GRID2: variants seen among roughly 807,000 people sequenced by gnomAD.
GRID2 encodes glutamate ionotropic receptor delta type subunit 2, also known as glutamate receptor ionotropic, delta-2.
GRID2 carries 33 observed loss-of-function variants against 114.8 expected under a neutral mutation model. The observed-to-expected ratio is 0.29, with a 90% CI of 0.22 to 0.38. GRID2 has a LOEUF of 0.38. Ranked by LOEUF, GRID2 falls within the 10% of genes least tolerant of loss-of-function variation. GRID2 has a pLI of 1.00. For synonymous variants in GRID2, 505 were observed against 449.9 expected (o/e 1.12, Z -1.55); for missense variants, 1,184 against 1,257.7 (o/e 0.94, Z 0.89).
At chr4:92,965,450 TAAAAAAAAAAAAAAAAAAAAAA>T (rs869285420) in intron 2 of GRID2, among the ~76,000 whole-genome samples, 44,199 of 86,342 alleles carry the variant, frequency 0.51, 8,610 homozygotes, top group Admixed American at 0.64. Context: ...ATTCAATTTG[TAAAAAAAAAAAAAAAAAAAAAA>T]AAAAAAAAAA....
At chr4:92,526,443 A>T (rs1336766134) in intron 1 of GRID2, among the ~76,000 whole-genome samples, 1 of 152,086 alleles carries the variant, frequency 6.6e-6, no homozygotes, top group Non-Finnish European at 1.5e-5. Flanking sequence ...TCCCAGGTTC[A>T]AGGGATTCAC....
Position 92,366,035 on chromosome 4 carries a change from A to G in GRID2, c.88+61291A>G, listed in dbSNP as rs571599039. 4.6e-5 allele frequency among the ~76,000 whole-genome samples: 7 copies of G among 152,236 alleles called. No individual in the cohort carries two copies. In the South Asian group the frequency reaches 1.4e-3, roughly 31 times the overall value. On this transcript the variant is annotated intron_variant, in intron 1 of 15. Transcript: ENST00000282020. ...TTCATAACAAATGTTGGCTACTGTT[A>G]TGTATTATTACTATGTACTTCCCTT...
intron 8 of GRID2, among the ~76,000 whole-genome samples, chr4:93,283,969 T>C (rs1319605915): frequency 6.6e-6 from 1 of 152,126 alleles, no homozygotes; most frequent in Non-Finnish European, 1.5e-5. Flanking sequence ...TTACACTATG[T>C]AGTTCCAAGT....
At chr4:93,443,562 C>T (rs1033841846) in intron 10 of GRID2, among the ~76,000 whole-genome samples, 3 of 151,932 alleles carry the variant, frequency 2.0e-5, no homozygotes, top group Non-Finnish European at 4.4e-5. Context: ...CACCTATAAT[C>T]TCAGGCAAGC....
chr4:93,365,251 A>T (rs1762230381), intron 8 of GRID2, among the ~76,000 whole-genome samples: 1 of 152,156 alleles, frequency 6.6e-6, no homozygotes, highest in Non-Finnish European at 1.5e-5. Context: ...TCTATAAACC[A>T]TCCAGGCCCA....
chr4:93,113,635 G>A (rs1013697131), intron 4 of GRID2, among the ~76,000 whole-genome samples: 1 of 152,148 alleles, frequency 6.6e-6, no homozygotes, highest in Admixed American at 6.6e-5. Flanking sequence ...GTTGGAGAAG[G>A]AAAATGAAAG....
chr4:92,957,802 A>G lies in GRID2; in HGVS notation c.245-127193A>G, dbSNP rs140304280. On this transcript the variant is annotated intron_variant, in intron 2 of 15. Coordinates refer to ENST00000282020, the MANE Select transcript of GRID2 (RefSeq NM_001510.4). ...GTCCATAAACATAAAATATTTATCC[A>G]TTTATTCAGTCCTTTTTATATCTTT... is the stretch of plus-strand genomic sequence containing the variant. 3.5e-3 allele frequency among the ~76,000 whole-genome samples: 535 copies of G among 152,186 alleles called. 1 individual carries two copies. The highest frequency in any genetic ancestry group is 0.012 in the African/African-American group (516 of 41,572).
rs1275619350 is a variant in GRID2, at chr4:92,939,821, G to A, written c.245-145174G>A. 1.4e-5 allele frequency among the ~76,000 whole-genome samples: 2 copies of A among 147,210 alleles called. 1 individual carries two copies. The highest frequency in any genetic ancestry group is 4.9e-5 in the African/African-American group (2 of 41,138). ...TTCCCAGCACCATTAATTAAATAGG[G>A]AATCCTTTCCTCATTTCTTGTTTTT... On this transcript the variant is annotated intron_variant, in intron 2 of 15. Transcript: ENST00000282020.
rs188649292 is a variant in GRID2, at chr4:93,660,114, C to T, written c.2360+33679C>T. Among the ~76,000 whole-genome samples the T allele has an allele frequency of 4.6e-5, 7 of 151,900 alleles. No individual in the cohort carries two copies. In the East Asian group the frequency reaches 1.4e-3, roughly 29 times the overall value. On this transcript the variant is annotated intron_variant, in intron 14 of 15. Coordinates refer to ENST00000282020, the MANE Select transcript of GRID2 (RefSeq NM_001510.4). ...TACAGTTGAATTTAAGAACATTATCCATATGAATTATTTCTAACAAAGAAT... is the reference window on the plus strand; with the variant it reads ...TACAGTTGAATTTAAGAACATTATCTATATGAATTATTTCTAACAAAGAAT...
At chr4:93,190,926 ATTAT>A (rs1740918671) in intron 4 of GRID2, among the ~76,000 whole-genome samples, 2 of 151,980 alleles carry the variant, frequency 1.3e-5, no homozygotes, top group African/African-American at 4.8e-5. Flanking sequence ...ATTTTTGAAA[ATTAT>A]TTGTGATTTC....
intron 2 of GRID2, among the ~76,000 whole-genome samples, chr4:92,921,995 C>T (rs1221977565): frequency 6.6e-6 from 1 of 152,186 alleles, no homozygotes; most frequent in East Asian, 1.9e-4. Flanking sequence ...TGGGCTCCAC[C>T]CAGTTCAAGC....
chr4:93,718,236 T>C (rs746110652), intron 14 of GRID2, among the ~76,000 whole-genome samples: 1 of 152,114 alleles, frequency 6.6e-6, no homozygotes, highest in African/African-American at 2.4e-5. Context: ...TCCAGGAAAA[T>C]GGAATCATAA....
chr4:93,793,651 CA>C (rs1332936343), intron 1 of GRID2, among the ~76,000 whole-genome samples: 4 of 152,232 alleles, frequency 2.6e-5, no homozygotes, highest in Non-Finnish European at 5.9e-5. Context: ...CACTCAAAAA[CA>C]AATGATTTGA....
At chr4:92,696,331 A>G (rs1579861162) in intron 2 of GRID2, among the ~76,000 whole-genome samples, 1 of 152,254 alleles carries the variant, frequency 6.6e-6, no homozygotes. Context: ...TCAGATATTC[A>G]CATGTTAATA....
intron 8 of GRID2, among the ~76,000 whole-genome samples, chr4:93,322,980 C>G (rs575254159): frequency 6.6e-6 from 1 of 152,144 alleles, no homozygotes; most frequent in South Asian, 2.1e-4. Context: ...CAAAAATTTT[C>G]TCCTATTCTG....
chr4:92,647,587 T>C (rs563258882), intron 2 of GRID2, among the ~76,000 whole-genome samples: 2 of 149,650 alleles, frequency 1.3e-5, no homozygotes, highest in East Asian at 3.9e-4. Flanking sequence ...TAAAGTGACA[T>C]TGAAGATAAA....
At chr4:92,726,051 T>C (rs1736054608) in intron 2 of GRID2, among the ~76,000 whole-genome samples, 1 of 152,138 alleles carries the variant, frequency 6.6e-6, no homozygotes, top group Admixed American at 6.6e-5. Flanking sequence ...CAAGGCAAAG[T>C]TAAGTTTATT....
intron 7 of GRID2, among the ~76,000 whole-genome samples, chr4:93,230,216 T>C (rs2149499404): frequency 6.6e-6 from 1 of 152,070 alleles, no homozygotes; most frequent in South Asian, 2.1e-4. Context: ...TTCAAACTGG[T>C]TATTGTAGGT....
chr4:92,307,488 C>A (rs1393141065), intron 1 of GRID2, among the ~76,000 whole-genome samples: 2 of 151,988 alleles, frequency 1.3e-5, no homozygotes, highest in Non-Finnish European at 2.9e-5. Flanking sequence ...GGTATTGAAC[C>A]AACTTATATA....
Sources: gnomAD v4.1 joint callset for allele counts (sites outside exome capture counted in the v4.1 genomes callset) on GRCh38, gnomAD v4.1.1 for gene constraint, MANE v1.5 for transcripts, NCBI Gene and HGNC (gene_info 2026-07-23, HGNC 2026-07-21) for gene names.